The following CAMKK2 variants were observed in gnomAD, a reference collection of about 807,000 sequenced individuals.
The protein encoded by CAMKK2 is calcium/calmodulin dependent protein kinase kinase 2.
Under a neutral mutation model 67.2 loss-of-function variants are expected in CAMKK2, and 30 were observed. The ratio of observed to expected loss-of-function variants is 0.45; its 90% CI spans 0.33 to 0.61. The LOEUF is 0.61. CAMKK2 is among the 20% of genes least tolerant of loss of function. The pLI is 0.02. For missense variants in CAMKK2, 643 were observed against 802.0 expected, an observed-to-expected ratio of 0.80 and a Z score of 2.39; for synonymous variants, 322 against 326.2, an observed-to-expected ratio of 0.99 and a Z score of 0.14.
At chr12:121,260,928 G>A (rs1893319752) in intron 6 of CAMKK2, among the ~76,000 whole-genome samples, 1 of 150,692 alleles carries the variant, frequency 6.6e-6, no homozygotes, top group Admixed American at 6.6e-5. Context: ...ACTTCAGCCT[G>A]GATGACAGAG....
intron 5 of CAMKK2, among the ~76,000 whole-genome samples, chr12:121,267,624 C>A (rs1894889891): frequency 6.6e-6 from 1 of 151,846 alleles, no homozygotes; most frequent in Non-Finnish European, 1.5e-5. Context: ...TCCCGAGTAG[C>A]TGGGATTACA....
intron 16 of CAMKK2, among the ~76,000 whole-genome samples, chr12:121,244,347 G>A (rs1221303095): frequency 1.3e-5 from 2 of 152,178 alleles, no homozygotes; most frequent in African/African-American, 2.4e-5. Flanking sequence ...CAGCTGGAGC[G>A]CCATGCACCC....
intron 16 of CAMKK2, among the ~76,000 whole-genome samples, chr12:121,242,856 C>T (rs1301069278): frequency 6.6e-6 from 1 of 152,170 alleles, no homozygotes; most frequent in African/African-American, 2.4e-5. Context: ...CATTCTCCTG[C>T]CTCAGCCTCC....
rs778522052 is a variant in CAMKK2, at chr12:121,274,251, G to A, written c.276C>T (p.Pro92=). 3.7e-6 allele frequency: 6 copies of A among 1,610,452 alleles called. No homozygotes were observed. The Admixed American group carries it at 8.4e-5, about 22-fold the overall frequency. ...GAGACAGCTTGCGACCGGAGAGGTG[G>A]GGCCGGGCCTGGGACCCGGAGGTGT... The part of the protein sequence containing the change: ...PLDTSGSQAR[P]HLSGRKLSLQ... Residue 92 remains proline (P), a synonymous_variant, in exon 2 of 17, where the codon CCC becomes CCT. Transcript: ENST00000404169.
chr12:121,253,338 C>T lies in CAMKK2; in HGVS notation c.1042G>A (p.Val348Met), dbSNP rs149707360. The T allele has an allele frequency of 1.9e-5, 30 of 1,614,190 alleles. No individual in the cohort carries two copies. The highest frequency in any genetic ancestry group is 5.3e-5 in the African/African-American group (4 of 75,052). ...KGSDALLSNT[V>M]GTPAFMAPES... is the part of the protein sequence containing the mutation. ...GGTGCCATGAAGGCGGGCGTGCCCACGGTGTTGGAGAGGAGCGCGTCACTG... is the reference window on the plus strand; with the variant it reads ...GGTGCCATGAAGGCGGGCGTGCCCATGGTGTTGGAGAGGAGCGCGTCACTG... Residue 348 changes from valine (V) to methionine (M), a missense_variant, in exon 10 of 17, where the codon GTG becomes ATG. Val to Met is a conservative substitution (Grantham distance 21). Coordinates refer to ENST00000404169, the MANE Select transcript of CAMKK2 (RefSeq NM_001270485.2). This position sits in a 1 kb window ranked among gnomAD's most constrained non-coding sequence, Gnocchi z 5.0.
At chr12:121,250,064 T>A in intron 11 of CAMKK2, 30 bp from the exon 12 acceptor site, 1 of 1,576,950 alleles carries the variant, frequency 6.3e-7, no homozygotes, top group South Asian at 1.1e-5. Context: ...AGAGTGGCAG[T>A]CAATGGCGGC....
At chr12:121,282,428 A>T (rs1339027431) in intron 1 of CAMKK2, among the ~76,000 whole-genome samples, 1 of 152,118 alleles carries the variant, frequency 6.6e-6, no homozygotes, top group Non-Finnish European at 1.5e-5. Context: ...ATGTGGCCTT[A>T]TTTGGAGACA....
At chr12:121,244,662 G>GGCATCCCGT in intron 15 of CAMKK2, 47 bp from the exon 16 acceptor site, 2 of 1,432,698 alleles carry the variant, frequency 1.4e-6, no homozygotes, top group Non-Finnish European at 1.9e-6. Flanking sequence ...AGGGACCCTT[G>GGCATCCCGT]GGATCCACGG....
chr12:121,295,872 G>A (rs1901050077), intron 1 of CAMKK2, among the ~76,000 whole-genome samples: 1 of 152,222 alleles, frequency 6.6e-6, no homozygotes, highest in African/African-American at 2.4e-5. Context: ...GCAGTGCAGG[G>A]GCTGGGGGAA....
chr12:121,240,980 C>T lies in CAMKK2; in HGVS notation c.1597-111G>A, dbSNP rs755565348. 37 of 1,037,786 alleles carry T rather than the reference C, an allele frequency of 3.6e-5. No homozygotes were observed. Among genetic ancestry groups the T allele is most frequent in the Non-Finnish European group, 5.1e-5 (36 of 700,504 alleles). The allele number at this position is 1,037,786 out of a possible 1,614,324, so 64.3% of individuals were successfully genotyped here. ...TGCCCAAGTGGGCCGTCGCGCACCCCCTGGAACGTGATCTACGTAACCCAG... is the reference window on the plus strand; with the variant it reads ...TGCCCAAGTGGGCCGTCGCGCACCCTCTGGAACGTGATCTACGTAACCCAG... On this transcript the variant is annotated intron_variant, in intron 16 of 16. Coordinates refer to ENST00000404169, the MANE Select transcript of CAMKK2 (RefSeq NM_001270485.2). The surrounding 1 kb of genome is among the most constrained non-coding windows in gnomAD (Gnocchi z 4.4).
At chr12:121,275,996 C>A (rs1896724295) in intron 1 of CAMKK2, among the ~76,000 whole-genome samples, 1 of 151,910 alleles carries the variant, frequency 6.6e-6, no homozygotes, top group African/African-American at 2.4e-5. Flanking sequence ...CCCATCTCTA[C>A]TAAAAATACA....
At chr12:121,270,533 T>A (rs1405400819) in intron 3 of CAMKK2, among the ~76,000 whole-genome samples, 5 of 152,154 alleles carry the variant, frequency 3.3e-5, no homozygotes, top group African/African-American at 1.2e-4. Context: ...CTTACTTGTT[T>A]TCTACTGGCA....
chr12:121,288,406 G>A (rs1446933816), intron 1 of CAMKK2, among the ~76,000 whole-genome samples: 1 of 152,086 alleles, frequency 6.6e-6, no homozygotes. Flanking sequence ...AAGAGTGCAG[G>A]GAGCCAGCTC....
At chr12:121,263,630 G>A (rs117211511) in intron 6 of CAMKK2, among the ~76,000 whole-genome samples, 176 bp downstream of exon 6, 3,614 of 150,600 alleles carry the variant, frequency 0.024, 56 homozygotes, top group Non-Finnish European at 0.039. Context: ...GCAAAAGAAA[G>A]AAGAGAAAAA....
intron 7 of CAMKK2, among the ~76,000 whole-genome samples, chr12:121,258,852 T>A (rs1892879656): frequency 6.6e-6 from 1 of 151,298 alleles, no homozygotes; most frequent in African/African-American, 2.4e-5. Context: ...ATTTTTTTTT[T>A]TTTTTTTTTT....
intron 16 of CAMKK2, among the ~76,000 whole-genome samples, chr12:121,243,362 A>G (rs986448820): frequency 7.2e-5 from 4 of 55,182 alleles, no homozygotes; most frequent in African/African-American, 2.2e-4. Context: ...TCGTAAGCCA[A>G]CTCCTAACAC....
chr12:121,291,806 C>G (rs1764715521), intron 1 of CAMKK2, among the ~76,000 whole-genome samples: 1 of 152,250 alleles, frequency 6.6e-6, no homozygotes, highest in East Asian at 1.9e-4. Context: ...GCCTGTAATC[C>G]CAGCACTTTG....
At position 121,275,933 on chromosome 12, in the gene CAMKK2, G is replaced by A. The variant is rs58691790; in HGVS notation, c.-59-1348C>T. Reference sequence around the variant, plus strand: ...TCTCAGCACTTTGGGAGGACAGGGCGGGTGGATCATGAGGTCAGGAGTTCA... The same window carrying A: ...TCTCAGCACTTTGGGAGGACAGGGCAGGTGGATCATGAGGTCAGGAGTTCA... On this transcript the variant is annotated intron_variant, in intron 1 of 16. Transcript: ENST00000404169. Among the ~76,000 whole-genome samples the A allele has an allele frequency of 9.4e-3, 1,430 of 152,180 alleles. 17 individuals are homozygous for A. The highest frequency in any genetic ancestry group is 0.032 in the African/African-American group (1,336 of 41,508).
At chr12:121,263,721 G>T in intron 6 of CAMKK2, 85 bp downstream of exon 6, 2 of 1,366,834 alleles carry the variant, frequency 1.5e-6, no homozygotes, top group Non-Finnish European at 2.0e-6. Flanking sequence ...GTGTGACCTG[G>T]CTCTCCCTGG....
Sources: gnomAD v4.1 joint callset for allele counts (sites outside exome capture counted in the v4.1 genomes callset) on GRCh38, gnomAD v4.1.1 for gene constraint, Gnocchi (gnomAD v3.1) non-coding constraint, MANE v1.5 for transcripts, NCBI Gene and HGNC (gene_info 2026-07-23, HGNC 2026-07-21) for gene names.